Variants in TINAG observed in about 807,000 individuals in gnomAD.
The protein encoded by TINAG is tubulointerstitial nephritis antigen.
Under a neutral mutation model 72.7 loss-of-function variants are expected in TINAG, and 83 were observed. The ratio of observed to expected loss-of-function variants is 1.14; its 90% CI spans 0.96 to 1.37. The LOEUF (loss-of-function observed/expected upper bound fraction) is 1.37. Ranked by LOEUF, TINAG falls within the 40% of genes most tolerant of loss-of-function variation. The pLI is 0.00. For missense variants in TINAG, 685 were observed against 576.6 expected (o/e 1.19, Z -1.93); for synonymous variants, 234 against 189.9 (o/e 1.23, Z -1.91).
intron 8 of TINAG, among the ~76,000 whole-genome samples, chr6:54,352,680 C>T (rs1029919255): frequency 1.3e-4 from 19 of 151,660 alleles, no homozygotes; most frequent in African/African-American, 4.6e-4. Flanking sequence ...ATTTTCTTAA[C>T]CTTTCAGAAT....
intron 9 of TINAG, among the ~76,000 whole-genome samples, chr6:54,376,256 T>G (rs1371487480): frequency 6.6e-6 from 1 of 152,218 alleles, no homozygotes; most frequent in Non-Finnish European, 1.5e-5. Flanking sequence ...TCTATTTATA[T>G]TCTTGTTTTT....
chr6:54,358,220 A>G (rs1763115116), intron 9 of TINAG, among the ~76,000 whole-genome samples: 1 of 151,834 alleles, frequency 6.6e-6, no homozygotes, highest in Non-Finnish European at 1.5e-5. Context: ...CCTCTGCTCC[A>G]GCAATCCTGA....
chr6:54,352,662 T>G (rs1490687079), intron 8 of TINAG, among the ~76,000 whole-genome samples: 1 of 151,828 alleles, frequency 6.6e-6, no homozygotes, highest in Non-Finnish European at 1.5e-5. Context: ...TTTAAATAAC[T>G]TTGGGCAATT....
At chr6:54,308,426 A>G, upstream of TINAG, 1 of 743,416 alleles carries the variant, frequency 1.3e-6, no homozygotes, top group Non-Finnish European at 2.2e-6. Context: ...ATTCAAGTAA[A>G]GGATCAGTTT....
At chr6:54,319,385 G>A (rs1470756532) in intron 1 of TINAG, among the ~76,000 whole-genome samples, 1 of 152,126 alleles carries the variant, frequency 6.6e-6, no homozygotes, top group African/African-American at 2.4e-5. Context: ...TTGATGTGAA[G>A]TTCAGTCTTC....
chr6:54,386,292 A>G (rs1016648917), intron 10 of TINAG, among the ~76,000 whole-genome samples: 5 of 152,184 alleles, frequency 3.3e-5, no homozygotes, highest in African/African-American at 1.2e-4. Context: ...TTGAAACAAC[A>G]TACATTTATT....
intron 9 of TINAG, among the ~76,000 whole-genome samples, chr6:54,360,060 A>G (rs540055353): frequency 3.3e-5 from 5 of 149,298 alleles, no homozygotes; most frequent in African/African-American, 1.2e-4. Flanking sequence ...AAATACAAGG[A>G]GGATTGATTT....
At chr6:54,355,868 G>GGAAGGAAA (rs898291827) in intron 9 of TINAG, among the ~76,000 whole-genome samples, 4 of 150,136 alleles carry the variant, frequency 2.7e-5, no homozygotes, top group East Asian at 3.9e-4. Flanking sequence ...AAGGAAGGAA[G>GGAAGGAAA]GAAGGAAAGA....
intron 10 of TINAG, among the ~76,000 whole-genome samples, chr6:54,386,436 C>T (rs903441380): frequency 1.3e-5 from 2 of 152,042 alleles, no homozygotes; most frequent in African/African-American, 4.8e-5. Context: ...TCCAAGCTCA[C>T]GTGGTTGTTG....
intron 9 of TINAG, among the ~76,000 whole-genome samples, chr6:54,373,039 C>T (rs943799700): frequency 6.6e-6 from 1 of 151,928 alleles, no homozygotes; most frequent in African/African-American, 2.4e-5. Flanking sequence ...TATTTTGATC[C>T]TTAAGATAAA....
chr6:54,343,139 AATTATAACTTT>A, intron 4 of TINAG, 76 bp from the exon 5 acceptor site: 1 of 1,171,330 alleles, frequency 8.5e-7, no homozygotes, highest in Non-Finnish European at 1.1e-6. Context: ...TTTAAAAAAT[AATTATAACTTT>A]ATAAAAGGGC....
At chr6:54,370,177 C>T (rs570290359) in intron 9 of TINAG, among the ~76,000 whole-genome samples, 3 of 152,114 alleles carry the variant, frequency 2.0e-5, no homozygotes, top group Admixed American at 1.3e-4. Context: ...TCTTTGAATT[C>T]GTGTCTGCTG....
intron 9 of TINAG, among the ~76,000 whole-genome samples, chr6:54,368,949 A>G (rs888277646): frequency 6.6e-6 from 1 of 151,822 alleles, no homozygotes; most frequent in Non-Finnish European, 1.5e-5. Flanking sequence ...ACATGTAGAT[A>G]TTTATGATAT....
rs865936921 is a variant in TINAG, at chr6:54,343,802, A to T, written c.748+453A>T. On this transcript the variant is annotated intron_variant, in intron 5 of 10. Transcript: ENST00000259782. Reference sequence around the variant, plus strand: ...AAGTAAGACTTTAAACCTAAATAATAATGGATCAAATGGATTTTATTTCAT... The same window carrying T: ...AAGTAAGACTTTAAACCTAAATAATTATGGATCAAATGGATTTTATTTCAT... Among the ~76,000 whole-genome samples, 8 of 152,244 alleles carry T rather than the reference A, an allele frequency of 5.3e-5. No homozygotes were observed. In the South Asian group the frequency reaches 1.0e-3, roughly 20 times the overall value.
intron 9 of TINAG, among the ~76,000 whole-genome samples, chr6:54,378,428 T>C (rs1763848251): frequency 6.6e-6 from 1 of 152,112 alleles, no homozygotes; most frequent in South Asian, 2.1e-4. Flanking sequence ...GTCTTAAAAT[T>C]ATATATAATA....
At position 54,359,533 on chromosome 6, in the gene TINAG, G is replaced by A. The variant is rs181360390; in HGVS notation, c.1250+4897G>A. On this transcript the variant is annotated intron_variant, in intron 9 of 10. Coordinates refer to ENST00000259782, the MANE Select transcript of TINAG (RefSeq NM_014464.4). Reference sequence around the variant, plus strand: ...CTAATTCTATATTCATTTATGCTCAGTTTGAACAAGATGTAAATGTGTTTA... The same window carrying A: ...CTAATTCTATATTCATTTATGCTCAATTTGAACAAGATGTAAATGTGTTTA... Among the ~76,000 whole-genome samples the A allele has an allele frequency of 4.6e-5, 7 of 151,792 alleles. 1 individual carries two copies. The highest frequency in any genetic ancestry group is 4.6e-4 in the Admixed American group (7 of 15,208).
rs368598096 is a variant in TINAG, at chr6:54,349,740, A to T, written c.924A>T (p.Pro308=). ...GACTGGTATCCCACGCATGCTACCC[A>T]CTTTTCAAAGACCAAAATGCTACCA... is the stretch of plus-strand genomic sequence containing the variant. ...KRGLVSHACY[P]LFKDQNATNN... The change falls in exon 7 of 11, where the codon CCA becomes CCT. Residue 308 remains proline, a synonymous_variant. Transcript: ENST00000259782. 6.3e-7 allele frequency: 1 copy of T among 1,598,950 alleles called. No homozygotes were observed. Among genetic ancestry groups the T allele is most frequent in the Non-Finnish European group, 8.5e-7 (1 of 1,170,744 alleles).
chr6:54,347,619 A>AATAT (rs1582727169), intron 6 of TINAG, 102 bp downstream of exon 6: 5 of 1,185,986 alleles, frequency 4.2e-6, no homozygotes, highest in Non-Finnish European at 5.9e-6. Flanking sequence ...AGTACTTAAA[A>AATAT]ATATATATAC....
chr6:54,348,946 A>G (rs1026611056), intron 6 of TINAG, among the ~76,000 whole-genome samples: 1 of 152,100 alleles, frequency 6.6e-6, no homozygotes, highest in African/African-American at 2.4e-5. Flanking sequence ...TGGCCATTTC[A>G]GCATAGAGTA....
Sources: allele counts gnomAD v4.1 joint callset (sites outside exome capture counted in the v4.1 genomes callset), GRCh38; gene constraint gnomAD v4.1.1; transcripts MANE v1.5; gene names NCBI Gene and HGNC (gene_info 2026-07-23, HGNC 2026-07-21).